PARVG: variants seen among roughly 807,000 people sequenced by gnomAD.
PARVG encodes gamma-parvin.
A neutral mutation model predicts 44.4 loss-of-function variants in PARVG; 36 were observed. The observed-to-expected ratio is 0.81, with a 90% CI of 0.62 to 1.07. The LOEUF is 1.07. PARVG is among the 50% of genes least tolerant of loss of function. The pLI, the probability that PARVG is intolerant of heterozygous loss-of-function variation, is 0.00. For synonymous variants in PARVG, 170 were observed against 174.1 expected (o/e 0.98, Z 0.19); for missense variants, 407 against 407.4 (o/e 1.00, Z 0.01).
At chr22:44,197,030 G>A (rs988805263) in intron 11 of PARVG, among the ~76,000 whole-genome samples, 11 of 151,550 alleles carry the variant, frequency 7.3e-5, no homozygotes, top group Non-Finnish European at 7.4e-5. Context: ...CTGCCAGCCC[G>A]GGGCCTGCAG....
At chr22:44,197,707 T>C (rs1166955409) in intron 11 of PARVG, among the ~76,000 whole-genome samples, 1 of 152,204 alleles carries the variant, frequency 6.6e-6, no homozygotes, top group Non-Finnish European at 1.5e-5. Context: ...AGGCTCTTCT[T>C]CTTATAAAGT....
intron 9 of PARVG, 57 bp from the exon 10 acceptor site, chr22:44,196,098 G>C (rs1271223056): frequency 1.9e-6 from 3 of 1,601,994 alleles, no homozygotes; most frequent in Admixed American, 1.7e-5. Flanking sequence ...AAAATTCCCT[G>C]TTTGGCACAA....
At chr22:44,196,313 G>C (rs1431946219) in intron 10 of PARVG, 34 bp from the exon 11 acceptor site, 4 of 1,613,984 alleles carry the variant, frequency 2.5e-6, no homozygotes, top group African/African-American at 2.7e-5. Context: ...CATCACACCT[G>C]CTGTGTGCTA....
Position 44,206,371 on chromosome 22 carries a change from G to C in PARVG, c.941G>C (p.Cys314Ser). ...STLRVLYGLF[C>S]KHTQKAHRDR... ...CTGAGGGTGCTCTATGGTCTGTTCT[G>C]CAAGCACACGCAGAAGGCACACAGG... Residue 314 changes from cysteine (C) to serine (S), a missense_variant, in exon 14 of 14, where the codon TGC becomes TCC. Transcript: ENST00000444313. 6.2e-7 allele frequency: 1 copy of C among 1,614,042 alleles called. No homozygotes were observed. Among genetic ancestry groups the C allele is most frequent in the Non-Finnish European group, 8.5e-7 (1 of 1,179,990 alleles).
intron 12 of PARVG, among the ~76,000 whole-genome samples, chr22:44,201,955 C>A (rs553663110): frequency 6.6e-6 from 1 of 152,258 alleles, no homozygotes; most frequent in Non-Finnish European, 1.5e-5. Flanking sequence ...CCACTTCCAT[C>A]GAAGCAGGCC....
intron 4 of PARVG, 74 bp downstream of exon 4, chr22:44,185,946 G>A: frequency 6.8e-7 from 1 of 1,461,416 alleles, no homozygotes; most frequent in Non-Finnish European, 9.5e-7. Context: ...CACGGGGCGG[G>A]GACAGCAGGC....
upstream of PARVG, among the ~76,000 whole-genome samples, chr22:44,180,024 G>A (rs927522849): frequency 5.3e-5 from 8 of 152,172 alleles, no homozygotes; most frequent in East Asian, 1.9e-4. Flanking sequence ...TCTATGGGCC[G>A]CAGCAGGGGA....
chr22:44,173,619 G>T (rs1039863574), intron 1 of PARVG, among the ~76,000 whole-genome samples: 1 of 152,232 alleles, frequency 6.6e-6, no homozygotes, highest in Non-Finnish European at 1.5e-5. Flanking sequence ...TTTGTGTCCA[G>T]GTTTGTCACT....
intron 11 of PARVG, among the ~76,000 whole-genome samples, chr22:44,197,665 C>G (rs150513371): frequency 1.3e-5 from 2 of 152,276 alleles, no homozygotes; most frequent in East Asian, 3.9e-4. Context: ...GCTGTGTGAC[C>G]TTGGGTGAGT....
chr22:44,192,233 G>A, intron 8 of PARVG, 129 bp downstream of exon 8: 1 of 1,085,618 alleles, frequency 9.2e-7, no homozygotes, highest in Non-Finnish European at 1.3e-6. Context: ...CTTTCTCTCA[G>A]ACCCGAAAAT....
intron 2 of PARVG, chr22:44,183,030 C>A (rs1421178457): frequency 2.4e-6 from 1 of 414,794 alleles, no homozygotes; most frequent in Non-Finnish European, 4.3e-6. Context: ...GCACGGTGGG[C>A]GGCCGCTCTG....
chr22:44,173,239 C>T (rs559096164), intron 1 of PARVG: 70 of 1,192,210 alleles, frequency 5.9e-5, no homozygotes, highest in Admixed American at 1.1e-4. Context: ...CCAGACCATA[C>T]GTGCACAAAG....
chr22:44,175,326 A>C (rs1055556896), intron 1 of PARVG, among the ~76,000 whole-genome samples: 12 of 152,150 alleles, frequency 7.9e-5, no homozygotes, highest in African/African-American at 2.9e-4. Flanking sequence ...ACTTGCCCTC[A>C]GATGTGACAG....
chr22:44,206,117 A>C (rs2054777210), intron 13 of PARVG, among the ~76,000 whole-genome samples, 200 bp from the exon 14 acceptor site: 1 of 152,098 alleles, frequency 6.6e-6, no homozygotes, highest in South Asian at 2.1e-4. Flanking sequence ...GAGCATTCAG[A>C]GGAGGACTGG....
At chr22:44,187,998 C>G (rs1300090342) in intron 5 of PARVG, 120 bp downstream of exon 5, 1 of 1,003,926 alleles carries the variant, frequency 1.0e-6, no homozygotes, top group Non-Finnish European at 1.5e-6. Flanking sequence ...TTTAGGGACA[C>G]CTGTCTCACT....
chr22:44,198,752 T>A, intron 12 of PARVG, 30 bp downstream of exon 12: 1 of 1,524,462 alleles, frequency 6.6e-7, no homozygotes, highest in Non-Finnish European at 9.1e-7. Context: ...TTCTTTATGG[T>A]CTACCTCTAG....
chr22:44,202,675 C>T (rs1001524938), intron 12 of PARVG, among the ~76,000 whole-genome samples: 2 of 152,222 alleles, frequency 1.3e-5, no homozygotes, highest in East Asian at 1.9e-4. Flanking sequence ...CTGAAGAGGT[C>T]GTCAGCTGAG....
At chr22:44,181,442 G>C in intron 1 of PARVG, 2 of 965,912 alleles carry the variant, frequency 2.1e-6, no homozygotes, top group Non-Finnish European at 2.5e-6. Flanking sequence ...GTGGGAGGAC[G>C]GCGGTGCGGG....
At chr22:44,202,516 G>A (rs2054723785) in intron 12 of PARVG, among the ~76,000 whole-genome samples, 1 of 152,230 alleles carries the variant, frequency 6.6e-6, no homozygotes, top group Non-Finnish European at 1.5e-5. Flanking sequence ...CAGCCGCTTT[G>A]CTGAATCCAC....
Sources: allele counts gnomAD v4.1 joint callset (sites outside exome capture counted in the v4.1 genomes callset), GRCh38; gene constraint gnomAD v4.1.1; transcripts MANE v1.5; gene names NCBI Gene and HGNC (gene_info 2026-07-23, HGNC 2026-07-21).